PEMT: variants seen among roughly 807,000 people sequenced by gnomAD.
The protein encoded by PEMT is phosphatidylethanolamine N-methyltransferase.
PEMT carries 23 observed loss-of-function variants against 27.4 expected under a neutral mutation model. That is an observed-to-expected ratio of 0.84 (90% CI 0.60 to 1.19). PEMT has a LOEUF of 1.19. Ranked by LOEUF, PEMT falls within the 50% of genes most tolerant of loss-of-function variation. The probability of loss-of-function intolerance (pLI) is 0.00; values close to 1 mark genes in which losing one functional copy is unlikely to be tolerated. For synonymous variants in PEMT, 137 were observed against 139.1 expected (o/e 0.98, Z 0.11); for missense variants, 307 against 310.1 (o/e 0.99, Z 0.07).
intron 2 of PEMT, chr17:17,570,655 G>A (rs1219461762): frequency 2.0e-6 from 2 of 985,328 alleles, no homozygotes; most frequent in African/African-American, 3.5e-5. Context: ...TGGGATGACT[G>A]AGGATACAGG....
At chr17:17,537,337 A>AC (rs1338827060) in intron 2 of PEMT, among the ~76,000 whole-genome samples, 1 of 150,728 alleles carries the variant, frequency 6.6e-6, no homozygotes, top group African/African-American at 2.4e-5. Context: ...GCTACTAAGA[A>AC]CCCCCCACCG....
Position 17,582,507 on chromosome 17 carries a change from A to G in PEMT, c.97-5480T>C, listed in dbSNP as rs908065689. On this transcript the variant is annotated intron_variant, in intron 1 of 6. Coordinates refer to ENST00000255389, the MANE Select transcript of PEMT (RefSeq NM_148172.3). This position sits in a 1 kb window ranked among gnomAD's most constrained non-coding sequence, Gnocchi z 4.9. ...AGCAGGCCTGGACAGGCAAAGTCAC[A>G]TCGATTCCAGGCCACACACCACACA... 4 of 813,344 alleles carry G rather than the reference A, an allele frequency of 4.9e-6. No individual in the cohort carries two copies. The highest frequency in any genetic ancestry group is 1.9e-5 in the African/African-American group (1 of 53,984). The allele number at this position is 813,344 out of a possible 1,614,324, so 50.4% of individuals were successfully genotyped here.
At chr17:17,570,296 G>C (rs1468857828) in intron 2 of PEMT, among the ~76,000 whole-genome samples, 2 of 152,220 alleles carry the variant, frequency 1.3e-5, no homozygotes, top group African/African-American at 4.8e-5. Context: ...GAAGGGGACA[G>C]TGAGAGACAA....
At position 17,523,694 on chromosome 17, in the gene PEMT, G is replaced by T. The variant is rs1238494411; in HGVS notation, c.205-1299C>A. Among the ~76,000 whole-genome samples the T allele has an allele frequency of 6.6e-6, 1 of 152,080 alleles. No homozygotes were observed. The highest frequency in any genetic ancestry group is 1.5e-5 in the Non-Finnish European group (1 of 68,006). On this transcript the variant is annotated intron_variant, in intron 2 of 6. Transcript: ENST00000255389. The surrounding 1 kb of genome is among the most constrained non-coding windows in gnomAD (Gnocchi z 4.8). The stretch of plus-strand genomic sequence containing the variant: ...GGCGGAAGGAATAAGCGCTGCAGGG[G>T]TGAGGAGGGGGCTGCGGTGACCTTG...
rs1906444232 is a variant in PEMT, at chr17:17,512,001, C to T, written c.466+508G>A. Among the ~76,000 whole-genome samples, 1 of 151,200 alleles carries T rather than the reference C, an allele frequency of 6.6e-6. No homozygotes were observed. Among genetic ancestry groups the T allele is most frequent in the Non-Finnish European group, 1.5e-5 (1 of 67,680 alleles). On this transcript the variant is annotated intron_variant, in intron 4 of 6. Coordinates refer to ENST00000255389, the MANE Select transcript of PEMT (RefSeq NM_148172.3). The surrounding 1 kb of genome is among the most constrained non-coding windows in gnomAD (Gnocchi z 6.3). ...GAGAAGGGATAAGGTGCCTCCACCC[C>T]TCACCCCTCCCCAGACCTACACCAG...
intron 2 of PEMT, among the ~76,000 whole-genome samples, chr17:17,552,868 C>T (rs1223375025): frequency 1.3e-5 from 2 of 152,190 alleles, no homozygotes; most frequent in African/African-American, 4.8e-5. Context: ...CAGGGAACAA[C>T]CTTTTCTGAA....
At chr17:17,521,777 G>A (rs1907282199) in intron 3 of PEMT, among the ~76,000 whole-genome samples, 1 of 152,134 alleles carries the variant, frequency 6.6e-6, no homozygotes, top group Non-Finnish European at 1.5e-5. Flanking sequence ...ATGTTGGCCA[G>A]GGTGGTCTCG....
intron 2 of PEMT, among the ~76,000 whole-genome samples, chr17:17,549,585 C>G (rs924059043): frequency 6.6e-6 from 1 of 152,244 alleles, no homozygotes; most frequent in Non-Finnish European, 1.5e-5. Context: ...GCTGGGATTA[C>G]AGTCATGGGC....
intron 2 of PEMT, among the ~76,000 whole-genome samples, chr17:17,555,869 G>A (rs987868982): frequency 1.3e-5 from 2 of 152,226 alleles, no homozygotes; most frequent in African/African-American, 4.8e-5. Flanking sequence ...CCCATAGAAG[G>A]AGGGGGATGC....
chr17:17,545,775 G>A (rs754292620), intron 2 of PEMT, among the ~76,000 whole-genome samples: 5 of 152,204 alleles, frequency 3.3e-5, no homozygotes, highest in Non-Finnish European at 5.9e-5. Flanking sequence ...GGAGTGCAGA[G>A]GGACAGGTCA....
chr17:17,572,683 C>A (rs1316143911), intron 2 of PEMT, among the ~76,000 whole-genome samples: 1 of 152,240 alleles, frequency 6.6e-6, no homozygotes, highest in Admixed American at 6.5e-5. Context: ...TGCGTGAGGG[C>A]CAGGGGCCGG....
Position 17,537,280 on chromosome 17 carries a change from GA to G in PEMT, c.205-14886del, listed in dbSNP as rs1908544146. 8.5e-5 allele frequency among the ~76,000 whole-genome samples: 13 copies of G among 152,152 alleles called. No homozygotes were observed. In the South Asian group the frequency reaches 2.5e-3, roughly 29 times the overall value. On this transcript the variant is annotated intron_variant, in intron 2 of 6. Transcript: ENST00000255389. Reference sequence around the variant, plus strand: ...AATCCTGCCCTGCTCCTGTGAGGAGGACCCACCTGCTCCTGGGCCTGGCCCC... The same window carrying G: ...AATCCTGCCCTGCTCCTGTGAGGAGGCCCACCTGCTCCTGGGCCTGGCCCC...
chr17:17,563,949 C>T (rs1399341251), intron 2 of PEMT, among the ~76,000 whole-genome samples: 1 of 152,204 alleles, frequency 6.6e-6, no homozygotes, highest in Non-Finnish European at 1.5e-5. Context: ...GAGGCCCTCA[C>T]AGGGCGGGGC....
intron 2 of PEMT, among the ~76,000 whole-genome samples, chr17:17,568,582 G>A (rs917654321): frequency 3.9e-5 from 6 of 152,196 alleles, no homozygotes; most frequent in African/African-American, 1.2e-4. Context: ...GCCCAGGAAG[G>A]GGATGTGAAT....
At chr17:17,545,284 C>G (rs560046164) in intron 2 of PEMT, among the ~76,000 whole-genome samples, 22 of 152,312 alleles carry the variant, frequency 1.4e-4, no homozygotes, top group Admixed American at 1.3e-3. Flanking sequence ...CCTCACCGTC[C>G]TGGCGTCCCA....
intron 2 of PEMT, among the ~76,000 whole-genome samples, chr17:17,549,531 C>G (rs796463975): frequency 3.9e-5 from 6 of 152,314 alleles, no homozygotes; most frequent in African/African-American, 1.4e-4. Flanking sequence ...CTTCCAAACT[C>G]CTGTGCCCAA....
At chr17:17,575,474 C>G (rs536175278) in intron 2 of PEMT, among the ~76,000 whole-genome samples, 2 of 152,244 alleles carry the variant, frequency 1.3e-5, no homozygotes, top group Admixed American at 6.5e-5. Context: ...CACCTCATAT[C>G]TCTGGCATGC....
intron 2 of PEMT, among the ~76,000 whole-genome samples, chr17:17,551,432 G>A (rs1909644585): frequency 1.3e-5 from 2 of 152,202 alleles, no homozygotes; most frequent in South Asian, 2.1e-4. Flanking sequence ...GCTGACAGGC[G>A]CCTCTGAGGC....
intron 2 of PEMT, among the ~76,000 whole-genome samples, chr17:17,535,520 G>A (rs1004734581): frequency 6.6e-6 from 1 of 151,226 alleles, no homozygotes; most frequent in Non-Finnish European, 1.5e-5. Context: ...AGCTGAGATC[G>A]CGCCACTGCA....
Sources: allele counts gnomAD v4.1 joint callset (sites outside exome capture counted in the v4.1 genomes callset), GRCh38; gene constraint gnomAD v4.1.1; non-coding constraint Gnocchi (gnomAD v3.1); transcripts MANE v1.5; gene names NCBI Gene and HGNC (gene_info 2026-07-23, HGNC 2026-07-21).